PCDH15: variants seen among roughly 807,000 people sequenced by gnomAD.
PCDH15 encodes the protein protocadherin related 15, also known as protocadherin-15.
In PCDH15, 129 loss-of-function variants were observed where a neutral mutation model predicts 178.5. The ratio of observed to expected loss-of-function variants is 0.72; its 90% CI spans 0.63 to 0.84. The LOEUF is 0.84. Ranked by LOEUF, PCDH15 falls within the 40% of genes least tolerant of loss-of-function variation. The pLI is 0.00. For synonymous variants in PCDH15, 800 were observed against 732.0 expected (o/e 1.09, Z -1.50); for missense variants, 2,230 against 2,099.9 (o/e 1.06, Z -1.21).
chr10:55,002,844 G>A (rs2131932147), intron 2 of PCDH15, among the ~76,000 whole-genome samples: 1 of 152,306 alleles, frequency 6.6e-6, no homozygotes, highest in East Asian at 1.9e-4. Context: ...ACTGATGCAA[G>A]CCAGCATTTA....
chr10:54,200,558 C>T (rs923564162), intron 10 of PCDH15, among the ~76,000 whole-genome samples: 1 of 152,120 alleles, frequency 6.6e-6, no homozygotes, highest in African/African-American at 2.4e-5. Flanking sequence ...TTTTCTTAAA[C>T]CCACTTCAAT....
intron 26 of PCDH15, 77 bp downstream of exon 26, chr10:53,903,166 C>A: frequency 6.5e-7 from 1 of 1,550,376 alleles, no homozygotes. Flanking sequence ...GCAGTTAATG[C>A]AAACTACAGG....
At chr10:54,383,337 G>A (rs898671018) in intron 3 of PCDH15, among the ~76,000 whole-genome samples, 3 of 151,812 alleles carry the variant, frequency 2.0e-5, no homozygotes, top group Non-Finnish European at 4.4e-5. Flanking sequence ...TGAAATAAAA[G>A]GCCATTTCTT....
intron 13 of PCDH15, among the ~76,000 whole-genome samples, chr10:54,180,352 T>C (rs1180066648): frequency 6.6e-6 from 1 of 152,228 alleles, no homozygotes; most frequent in East Asian, 1.9e-4. Flanking sequence ...ACAGGGTAGA[T>C]ACTTAATAAG....
intron 2 of PCDH15, among the ~76,000 whole-genome samples, chr10:55,604,490 T>C (rs1254843974): frequency 1.3e-5 from 2 of 148,554 alleles, no homozygotes; most frequent in Admixed American, 1.3e-4. Flanking sequence ...ACCACATACT[T>C]GGAAGTAAAG....
chr10:54,696,298 T>C (rs182448756), intron 1 of PCDH15, among the ~76,000 whole-genome samples: 2 of 152,166 alleles, frequency 1.3e-5, no homozygotes, highest in East Asian at 3.9e-4. Flanking sequence ...GGAACTAGAA[T>C]TAGAAGTGGA....
At chr10:55,156,474 T>G (rs1351271865) in intron 2 of PCDH15, among the ~76,000 whole-genome samples, 1 of 152,106 alleles carries the variant, frequency 6.6e-6, no homozygotes, top group Non-Finnish European at 1.5e-5. Context: ...CATGTGGCAG[T>G]TTTATGTGTT....
chr10:55,188,203 C>A (rs918135916), intron 1 of PCDH15, among the ~76,000 whole-genome samples: 2 of 151,860 alleles, frequency 1.3e-5, no homozygotes, highest in African/African-American at 4.8e-5. Flanking sequence ...CATTTTATAT[C>A]GTGTTTATGT....
At chr10:54,829,957 A>G (rs1193706122) in intron 3 of PCDH15, among the ~76,000 whole-genome samples, 2 of 152,112 alleles carry the variant, frequency 1.3e-5, no homozygotes, top group African/African-American at 4.8e-5. Flanking sequence ...TTGCAAGGAT[A>G]TCTTTGTTCC....
Position 53,806,679 on chromosome 10 carries a change from T to TTGA in PCDH15, c.5120_5122dup (p.Ile1707dup), listed in dbSNP as rs1564506385. ...GTCACTATGAAATTCCAAAGCCTCC[T>TTGA]TGATGTTCTTACTGTCAATCATGGA... On this transcript the variant is annotated inframe_insertion, in exon 38 of 38. Coordinates refer to ENST00000644397, the MANE Select transcript of PCDH15 (RefSeq NM_001384140.1). 5.6e-6 allele frequency: 9 copies of TTGA among 1,613,902 alleles called. No individual in the cohort carries two copies. Among genetic ancestry groups the TTGA allele is most frequent in the Non-Finnish European group, 7.6e-6 (9 of 1,179,794 alleles).
intron 2 of PCDH15, among the ~76,000 whole-genome samples, chr10:54,607,504 C>T (rs922110006): frequency 6.6e-6 from 1 of 151,976 alleles, no homozygotes; most frequent in Non-Finnish European, 1.5e-5. Flanking sequence ...GGTCCCTGCC[C>T]TCAGAGACCT....
At chr10:53,858,555 T>C (rs974810047) in intron 27 of PCDH15, among the ~76,000 whole-genome samples, 2 of 152,154 alleles carry the variant, frequency 1.3e-5, no homozygotes, top group Admixed American at 1.3e-4. Context: ...CCAAAATATT[T>C]TGTAAAATGT....
intron 3 of PCDH15, among the ~76,000 whole-genome samples, chr10:54,389,114 C>T (rs977719348): frequency 5.3e-5 from 8 of 150,912 alleles, no homozygotes; most frequent in Non-Finnish European, 1.2e-4. Context: ...TCTGTTACAG[C>T]GTCCCTCACT....
intron 2 of PCDH15, among the ~76,000 whole-genome samples, chr10:55,512,572 T>C (rs903745336): frequency 6.6e-6 from 1 of 152,004 alleles, no homozygotes; most frequent in East Asian, 1.9e-4. Flanking sequence ...GGGGAGAAAA[T>C]TGTTGGTTTA....
chr10:53,990,567 T>G (rs1271473286), intron 21 of PCDH15, among the ~76,000 whole-genome samples: 1 of 149,248 alleles, frequency 6.7e-6, no homozygotes, highest in Non-Finnish European at 1.5e-5. Flanking sequence ...AAAGAACATA[T>G]TTCTCACAAT....
intron 2 of PCDH15, among the ~76,000 whole-genome samples, chr10:55,109,741 T>C (rs1170779646): frequency 6.6e-6 from 1 of 152,072 alleles, no homozygotes; most frequent in Non-Finnish European, 1.5e-5. Context: ...TTTTGATTCA[T>C]TCAGTAATAA....
At chr10:54,624,060 T>C (rs946306105) in intron 2 of PCDH15, among the ~76,000 whole-genome samples, 1 of 152,126 alleles carries the variant, frequency 6.6e-6, no homozygotes, top group Non-Finnish European at 1.5e-5. Context: ...AAGAAAATCA[T>C]GGGTTTAGAT....
intron 3 of PCDH15, among the ~76,000 whole-genome samples, chr10:54,815,376 T>C (rs1029148003): frequency 6.6e-6 from 1 of 152,076 alleles, no homozygotes; most frequent in Admixed American, 6.6e-5. Context: ...TTAAGAGAAA[T>C]GTAAACAAAT....
At chr10:54,695,510 GA>G (rs2095208865) in intron 1 of PCDH15, among the ~76,000 whole-genome samples, 1 of 152,118 alleles carries the variant, frequency 6.6e-6, no homozygotes, top group South Asian at 2.1e-4. Context: ...ATTTAGCTAA[GA>G]TCATTGTTGA....
Sources: gnomAD v4.1 joint callset for allele counts (sites outside exome capture counted in the v4.1 genomes callset) on GRCh38, gnomAD v4.1.1 for gene constraint, MANE v1.5 for transcripts, NCBI Gene and HGNC (gene_info 2026-07-23, HGNC 2026-07-21) for gene names.